STK33: variants seen among roughly 807,000 people sequenced by gnomAD.
The protein encoded by STK33 is serine/threonine kinase 33, also known as serine/threonine-protein kinase 33.
In STK33, 52 loss-of-function variants were observed where a neutral mutation model predicts 58.0. That is an observed-to-expected ratio of 0.90 (90% CI 0.72 to 1.13). STK33 has a LOEUF of 1.13. STK33 is among the 50% of genes most tolerant of loss of function. The pLI is 0.00. For synonymous variants in STK33, 215 were observed against 200.1 expected, an observed-to-expected ratio of 1.07 and a Z score of -0.63; for missense variants, 630 against 604.2, an observed-to-expected ratio of 1.04 and a Z score of -0.45.
At chr11:8,402,004 T>C (rs1383969034) in intron 15 of STK33, among the ~76,000 whole-genome samples, 1 of 152,150 alleles carries the variant, frequency 6.6e-6, no homozygotes, top group Non-Finnish European at 1.5e-5. Flanking sequence ...AGGAACACTT[T>C]TACACTGTTG....
At chr11:8,418,821 G>C (rs1322344063) in intron 14 of STK33, among the ~76,000 whole-genome samples, 1 of 152,212 alleles carries the variant, frequency 6.6e-6, no homozygotes, top group East Asian at 1.9e-4. Flanking sequence ...CTGTGGTCTT[G>C]ATTTGAATTT....
intron 1 of STK33, among the ~76,000 whole-genome samples, chr11:8,508,291 C>T (rs7931044): frequency 0.52 from 67,334 of 130,644 alleles, 17,268 homozygotes; most frequent in African/African-American, 0.61. Flanking sequence ...TTTTTTGAGA[C>T]AGGGTCTCAC....
intron 1 of STK33, among the ~76,000 whole-genome samples, chr11:8,520,490 C>A (rs1288532517): frequency 1.3e-5 from 2 of 152,040 alleles, no homozygotes; most frequent in African/African-American, 4.8e-5. Context: ...GAAGTTCTGG[C>A]CAGGGCAATC....
downstream of STK33, among the ~76,000 whole-genome samples, chr11:8,389,707 G>C (rs1436205170): frequency 1.3e-5 from 2 of 152,162 alleles, no homozygotes; most frequent in East Asian, 3.9e-4. Context: ...CTTACATTTT[G>C]GAGTCAAATA....
At chr11:8,589,430 T>A (rs940408076) in intron 1 of STK33, among the ~76,000 whole-genome samples, 1 of 152,172 alleles carries the variant, frequency 6.6e-6, no homozygotes, top group Non-Finnish European at 1.5e-5. Context: ...ATTGTATAAT[T>A]CCATTTATAT....
At position 8,412,237 on chromosome 11, in the gene STK33, G is replaced by A. The variant is rs191269624; in HGVS notation, c.1344+1258C>T. ...CAGCCAACAAAAATCTTCAAACTATGTTCAATAAGAAATGCAAACATGGAA... is the reference window on the plus strand; with the variant it reads ...CAGCCAACAAAAATCTTCAAACTATATTCAATAAGAAATGCAAACATGGAA... On this transcript the variant is annotated intron_variant, in intron 15 of 15. Coordinates refer to ENST00000687296, the MANE Select transcript of STK33 (RefSeq NM_001352389.2). Among the ~76,000 whole-genome samples the A allele has an allele frequency of 6.6e-5, 10 of 152,086 alleles. No individual in the cohort carries two copies. In the East Asian group the frequency reaches 1.9e-3, roughly 29 times the overall value.
intron 14 of STK33, among the ~76,000 whole-genome samples, chr11:8,424,494 G>T (rs1241818684): frequency 6.6e-6 from 1 of 151,700 alleles, no homozygotes; most frequent in Non-Finnish European, 1.5e-5. Flanking sequence ...AATCCTTTGG[G>T]TATATACCCA....
the STK33 span, among the ~76,000 whole-genome samples, chr11:8,336,466 G>A: frequency 2.2e-4 from 34 of 152,356 alleles, no homozygotes; most frequent in South Asian, 6.2e-3. Flanking sequence ...TCTGGAGAGG[G>A]ACAGAAAATC....
intron 1 of STK33, among the ~76,000 whole-genome samples, chr11:8,528,648 C>G (rs1954255391): frequency 6.6e-6 from 1 of 152,148 alleles, no homozygotes; most frequent in Non-Finnish European, 1.5e-5. Flanking sequence ...GACTAAAGAC[C>G]AAAACCTGGA....
At chr11:8,462,062 A>T (rs535379260) in intron 7 of STK33, among the ~76,000 whole-genome samples, 153 bp from the exon 8 acceptor site, 18 of 152,286 alleles carry the variant, frequency 1.2e-4, no homozygotes, top group African/African-American at 4.3e-4. Context: ...TTTTCAAATG[A>T]TATCATGCCA....
chr11:8,481,459 T>C (rs1949793353), intron 1 of STK33, among the ~76,000 whole-genome samples: 1 of 152,228 alleles, frequency 6.6e-6, no homozygotes, highest in Non-Finnish European at 1.5e-5. Flanking sequence ...CTGAAAGTCA[T>C]TAACTGATTG....
At chr11:8,574,154 T>C (rs931068357) in intron 1 of STK33, among the ~76,000 whole-genome samples, 2 of 152,136 alleles carry the variant, frequency 1.3e-5, no homozygotes, top group Admixed American at 6.5e-5. Context: ...ATGGAGCTAA[T>C]ATGAGCTTCA....
At chr11:8,396,771 G>C (rs901829056) in intron 15 of STK33, among the ~76,000 whole-genome samples, 2 of 152,200 alleles carry the variant, frequency 1.3e-5, no homozygotes, top group African/African-American at 4.8e-5. Flanking sequence ...CACTAATACT[G>C]TGCTTTTCCA....
intron 1 of STK33, among the ~76,000 whole-genome samples, chr11:8,544,665 A>C (rs967831089): frequency 2.6e-5 from 4 of 152,100 alleles, no homozygotes; most frequent in Non-Finnish European, 5.9e-5. Flanking sequence ...TTAATCATAA[A>C]GATATGAAAT....
At position 8,565,178 on chromosome 11, in the gene STK33, T is replaced by C. The variant is rs185046024; in HGVS notation, c.-466+28905A>G. Among the ~76,000 whole-genome samples the C allele has an allele frequency of 2.4e-3, 365 of 152,156 alleles. 3 individuals are homozygous for C. Among genetic ancestry groups the C allele is most frequent in the African/African-American group, 8.3e-3 (346 of 41,498 alleles). On this transcript the variant is annotated intron_variant, in intron 1 of 15. Coordinates refer to ENST00000687296, the MANE Select transcript of STK33 (RefSeq NM_001352389.2). ...AGAGGAAAAAAAAATAACAAAGTAG[T>C]GAAAGTACAGGAGATGGATTCGCCA...
intron 1 of STK33, among the ~76,000 whole-genome samples, chr11:8,530,751 G>A (rs1053550636): frequency 1.3e-5 from 2 of 152,144 alleles, no homozygotes; most frequent in Non-Finnish European, 2.9e-5. Context: ...GGGCAGTGGT[G>A]CAATCTCGGC....
In STK33 at chr11:8,392,297, C is replaced by G. The variant is rs1384261520; in HGVS notation, c.*213G>C. On this transcript the variant is annotated 3_prime_UTR_variant, in exon 16 of 16. Coordinates refer to ENST00000687296, the MANE Select transcript of STK33 (RefSeq NM_001352389.2). Reference sequence around the variant, plus strand: ...TTTCCACTGCAGCCCACTGCCAAGCCTACTGGTGGCTGTCCTTTAATGCCA... The same window carrying G: ...TTTCCACTGCAGCCCACTGCCAAGCGTACTGGTGGCTGTCCTTTAATGCCA... The G allele has an allele frequency of 3.3e-6, 2 of 597,654 alleles. No homozygotes were observed. Among genetic ancestry groups the G allele is most frequent in the African/African-American group, 3.7e-5 (2 of 54,066 alleles). The allele number at this position is 597,654 out of a possible 1,614,324, so 37.0% of individuals were successfully genotyped here.
chr11:8,445,977 G>C (rs1431758413), intron 11 of STK33, among the ~76,000 whole-genome samples: 11 of 152,122 alleles, frequency 7.2e-5, no homozygotes, highest in Admixed American at 7.2e-4. Context: ...TTGTACCTCT[G>C]GTAGAATTCG....
intron 1 of STK33, among the ~76,000 whole-genome samples, chr11:8,550,708 T>C (rs192337882): frequency 6.6e-5 from 10 of 152,322 alleles, no homozygotes; most frequent in African/African-American, 2.4e-4. Flanking sequence ...AAGTTCCTCA[T>C]TTCCATCTGA....
Sources: allele counts gnomAD v4.1 joint callset (sites outside exome capture counted in the v4.1 genomes callset), GRCh38; gene constraint gnomAD v4.1.1; transcripts MANE v1.5; gene names NCBI Gene and HGNC (gene_info 2026-07-23, HGNC 2026-07-21).